The following GYS2 variants were observed in gnomAD, a reference collection of about 807,000 sequenced individuals.
GYS2 encodes glycogen [starch] synthase, liver.
In GYS2, 80 loss-of-function variants were observed where a neutral mutation model predicts 85.6. The observed-to-expected ratio is 0.93, with a 90% CI of 0.78 to 1.13. The LOEUF is 1.13. GYS2 is among the 50% of genes most tolerant of loss of function. The pLI, the probability that GYS2 is intolerant of heterozygous loss-of-function variation, is 0.00. For synonymous variants in GYS2, 328 were observed against 300.7 expected (o/e 1.09, Z -0.94); for missense variants, 881 against 854.9 (o/e 1.03, Z -0.38).
At chr12:21,536,087 GA>G (rs1201912280), downstream of GYS2, 2 of 152,100 alleles carry the variant, frequency 1.3e-5, no homozygotes, top group Non-Finnish European at 2.9e-5. Context: ...AATTTTTAAA[GA>G]AGGCATTATC....
intron 5 of GYS2, among the ~76,000 whole-genome samples, chr12:21,564,377 G>T (rs1386082455): frequency 6.6e-6 from 1 of 151,958 alleles, no homozygotes; most frequent in Non-Finnish European, 1.5e-5. Flanking sequence ...GTTGCAGTGA[G>T]CTGAAATCAC....
intron 1 of GYS2, among the ~76,000 whole-genome samples, chr12:21,584,352 A>G (rs550370329): frequency 1.2e-4 from 16 of 138,934 alleles, no homozygotes; most frequent in Middle Eastern, 3.9e-3. Flanking sequence ...AAAAACTACA[A>G]AGATATTTTC....
downstream of GYS2, chr12:21,533,057 A>T: frequency 6.6e-6 from 1 of 152,034 alleles, no homozygotes; most frequent in South Asian, 2.1e-4. Flanking sequence ...TTCACATTAT[A>T]TGGCTTGTGT....
rs1224243532 is a variant in GYS2, at chr12:21,582,588, TATAGAG to T, written c.122-2071_122-2066del. On this transcript the variant is annotated intron_variant, in intron 1 of 15. Transcript: ENST00000261195. ...ATATAGATATAGATATAGAGATAGA[TATAGAG>T]ATAGATATAGATATAGATATAGATA... is the stretch of plus-strand genomic sequence containing the variant. Among the ~76,000 whole-genome samples, 92 of 131,094 alleles carry T rather than the reference TATAGAG, an allele frequency of 7.0e-4. 1 individual carries two copies. The highest frequency in any genetic ancestry group is 7.2e-3 in the Middle Eastern group (2 of 278). The allele number at this position is 131,094 out of a possible 152,430, so 86.0% of individuals were successfully genotyped here.
intron 7 of GYS2, among the ~76,000 whole-genome samples, chr12:21,561,966 T>G (rs4762706): frequency 0.72 from 110,171 of 152,012 alleles, 40,210 homozygotes; most frequent in South Asian, 0.79. Context: ...CTCATTAAGA[T>G]TGAAATTCTA....
chr12:21,562,743 A>G (rs1944270316), intron 7 of GYS2, among the ~76,000 whole-genome samples, 175 bp downstream of exon 7: 1 of 151,182 alleles, frequency 6.6e-6, no homozygotes, highest in African/African-American at 2.4e-5. Flanking sequence ...AGACAAACAC[A>G]CAAGTCAACA....
intron 11 of GYS2, 38 bp downstream of exon 11, chr12:21,558,162 G>C (rs757456814): frequency 8.9e-7 from 1 of 1,123,662 alleles, no homozygotes; most frequent in South Asian, 1.2e-5. Context: ...TATATTTTAA[G>C]TAAGTTTAAA....
In GYS2 at chr12:21,560,471, CTG is replaced by C; in HGVS notation, c.1082_1083del (p.Thr361SerfsTer13). 1 of 1,543,386 alleles carries C rather than the reference CTG, an allele frequency of 6.5e-7. No individual in the cohort carries two copies. Among genetic ancestry groups the C allele is most frequent in the Non-Finnish European group, 9.0e-7 (1 of 1,115,308 alleles). The stretch of plus-strand genomic sequence containing the variant: ...GCAGGCATAATGAAAAACACCATCA[CTG>C]TGATGTCACTTTTATGCATCTGATG... Reference protein sequence around the residue: ...FLLRMHKSDITVMVFFIMPAK... With the variant: ...FLLRMHKSDIXVMVFFIMPAK... On this transcript the variant is annotated frameshift_variant, in exon 8 of 16. Coordinates refer to ENST00000261195, the MANE Select transcript of GYS2 (RefSeq NM_021957.4). LOFTEE classifies it high-confidence loss of function.
chr12:21,590,986 C>A (rs1017127836), intron 1 of GYS2, among the ~76,000 whole-genome samples: 1 of 152,162 alleles, frequency 6.6e-6, no homozygotes, highest in African/African-American at 2.4e-5. Context: ...AGAAAAAAGT[C>A]TTCCCCTACA....
At chr12:21,538,349 T>C (rs1488374787) in intron 15 of GYS2, among the ~76,000 whole-genome samples, 1 of 152,248 alleles carries the variant, frequency 6.6e-6, no homozygotes, top group East Asian at 1.9e-4. Flanking sequence ...TGGTTGTTTA[T>C]GGTAACAGTG....
At chr12:21,575,488 A>G (rs1214307116) in intron 3 of GYS2, among the ~76,000 whole-genome samples, 3 of 152,182 alleles carry the variant, frequency 2.0e-5, no homozygotes, top group Non-Finnish European at 4.4e-5. Context: ...CATGTAGTGT[A>G]CATCAGGATC....
chr12:21,593,814 A>G (rs918325290), intron 1 of GYS2, among the ~76,000 whole-genome samples: 1 of 152,112 alleles, frequency 6.6e-6, no homozygotes, highest in African/African-American at 2.4e-5. Flanking sequence ...AAGTAAAAAT[A>G]AAACTGCAGG....
At chr12:21,565,394 T>C (rs1944306253) in intron 5 of GYS2, among the ~76,000 whole-genome samples, 1 of 13,776 alleles carries the variant, frequency 7.3e-5, no homozygotes, top group South Asian at 3.5e-3. Flanking sequence ...CCATGAAATA[T>C]ATATATATAT....
chr12:21,576,059 T>C lies in GYS2; in HGVS notation c.304-2A>G, dbSNP rs1944443356. The C allele has an allele frequency of 6.2e-7, 1 of 1,610,168 alleles. No individual in the cohort carries two copies. The highest frequency in any genetic ancestry group is 8.5e-7 in the Non-Finnish European group (1 of 1,178,314). Reference sequence around the variant, plus strand: ...TATCAGCCATCTTCCAAAATGCACCTGTCATATAAAGAACACAGCCATGTA... The same window carrying C: ...TATCAGCCATCTTCCAAAATGCACCCGTCATATAAAGAACACAGCCATGTA... On this transcript the variant is annotated splice_acceptor_variant, in intron 2 of 15. Transcript: ENST00000261195. LOFTEE classifies it high-confidence loss of function.
intron 5 of GYS2, among the ~76,000 whole-genome samples, chr12:21,564,304 G>A (rs893117313): frequency 8.5e-5 from 13 of 152,084 alleles, no homozygotes; most frequent in African/African-American, 2.4e-4. Flanking sequence ...GGTGGTGTGC[G>A]CCTGTAGTCC....
At chr12:21,603,489 C>T (rs533942031) in intron 1 of GYS2, among the ~76,000 whole-genome samples, 1 of 152,164 alleles carries the variant, frequency 6.6e-6, no homozygotes, top group South Asian at 2.1e-4. Context: ...AGTAATATAT[C>T]ACATTCTGGT....
intron 14 of GYS2, among the ~76,000 whole-genome samples, chr12:21,539,782 A>T (rs1297746199): frequency 6.6e-6 from 1 of 152,200 alleles, no homozygotes; most frequent in African/African-American, 2.4e-5. Flanking sequence ...AAAATTAATC[A>T]TCCAGGTTGT....
chr12:21,546,421 A>G lies in GYS2; in HGVS notation c.1472T>C (p.Met491Thr), dbSNP rs121918422. The G allele has an allele frequency of 1.9e-6, 3 of 1,587,908 alleles. No individual in the cohort carries two copies. The highest frequency in any genetic ancestry group is 2.6e-6 in the Non-Finnish European group (3 of 1,156,722). The part of the protein sequence containing the change: ...FLSSTSPLLP[M>T]DYEEFVRGCH... ...ACCTCTAACAAACTCTTCATAGTCC[A>G]TGGGTAGTAAGGGACTGGTGGAGGA... The change falls in exon 12 of 16, where the codon ATG becomes ACG. Residue 491 changes from methionine (M) to threonine (T), a missense_variant. Coordinates refer to ENST00000261195, the MANE Select transcript of GYS2 (RefSeq NM_021957.4).
At chr12:21,544,018 A>G (rs2136845114) in intron 12 of GYS2, among the ~76,000 whole-genome samples, 1 of 152,300 alleles carries the variant, frequency 6.6e-6, no homozygotes, top group East Asian at 1.9e-4. Flanking sequence ...GAAGTTTAGT[A>G]TATGTTCATT....
Sources: gnomAD v4.1 joint callset for allele counts (sites outside exome capture counted in the v4.1 genomes callset) on GRCh38, gnomAD v4.1.1 for gene constraint, MANE v1.5 for transcripts, NCBI Gene and HGNC (gene_info 2026-07-23, HGNC 2026-07-21) for gene names.